Variants in SUCLG2 observed in about 807,000 individuals in gnomAD.
The protein encoded by SUCLG2 is succinate--CoA ligase [GDP-forming] subunit beta, mitochondrial.
Under a neutral mutation model 47.9 loss-of-function variants are expected in SUCLG2, and 42 were observed. The observed-to-expected ratio is 0.88, with a 90% CI of 0.69 to 1.14. The LOEUF (loss-of-function observed/expected upper bound fraction) is 1.14, where lower values mean the gene tolerates loss of function less well. Ranked by LOEUF, SUCLG2 falls within the 50% of genes most tolerant of loss-of-function variation. The pLI, the probability that SUCLG2 is intolerant of heterozygous loss-of-function variation, is 0.00. For missense variants in SUCLG2, 571 were observed against 525.9 expected, an observed-to-expected ratio of 1.09 and a Z score of -0.84; for synonymous variants, 195 against 197.3, an observed-to-expected ratio of 0.99 and a Z score of 0.10.
intron 2 of SUCLG2, among the ~76,000 whole-genome samples, chr3:67,540,787 T>C (rs893681233): frequency 6.6e-6 from 1 of 152,128 alleles, no homozygotes; most frequent in Non-Finnish European, 1.5e-5. Context: ...AGACACCTCA[T>C]ACAGGAGAGC....
chr3:67,561,046 G>T (rs1707294699), intron 2 of SUCLG2, among the ~76,000 whole-genome samples: 1 of 145,220 alleles, frequency 6.9e-6, no homozygotes, highest in Non-Finnish European at 1.5e-5. Context: ...CTAGGCTTCT[G>T]ACTCCACAAG....
chr3:67,391,649 T>A (rs1396173043), intron 10 of SUCLG2, among the ~76,000 whole-genome samples: 2 of 152,124 alleles, frequency 1.3e-5, no homozygotes, highest in Non-Finnish European at 2.9e-5. Context: ...AACATTTTCA[T>A]TCAGAATATT....
chr3:67,421,588 A>C (rs1703158843), intron 9 of SUCLG2, among the ~76,000 whole-genome samples: 1 of 152,230 alleles, frequency 6.6e-6, no homozygotes, highest in Non-Finnish European at 1.5e-5. Context: ...AATAGAAGTC[A>C]ATCACAGTGA....
intron 10 of SUCLG2, among the ~76,000 whole-genome samples, chr3:67,367,558 C>G (rs1195755902): frequency 6.6e-6 from 1 of 152,144 alleles, no homozygotes; most frequent in East Asian, 1.9e-4. Flanking sequence ...ATCAGTGTGT[C>G]TCAACCTTGG....
rs61180918 is a variant in SUCLG2, at chr3:67,565,582, C to T, written c.227-36396G>A. On this transcript the variant is annotated intron_variant, in intron 2 of 10. Coordinates refer to ENST00000307227, the MANE Select transcript of SUCLG2 (RefSeq NM_003848.4). ...GCCAACAGCATGAGATATGCCACTGCCCCTGAGAAGCATTTCTGACTCTCT... is the reference window on the plus strand; with the variant it reads ...GCCAACAGCATGAGATATGCCACTGTCCCTGAGAAGCATTTCTGACTCTCT... Among the ~76,000 whole-genome samples, 229 of 152,298 alleles carry T rather than the reference C, an allele frequency of 1.5e-3. 2 individuals carry two copies. Among genetic ancestry groups the T allele is most frequent in the African/African-American group, 5.1e-3 (211 of 41,568 alleles).
chr3:67,653,382 A>C (rs1192292424), intron 1 of SUCLG2, among the ~76,000 whole-genome samples: 1 of 152,344 alleles, frequency 6.6e-6, no homozygotes, highest in Admixed American at 6.5e-5. Flanking sequence ...TACAGTAGTA[A>C]GTATTAGCAC....
chr3:67,636,631 C>G (rs1346053909), intron 1 of SUCLG2, among the ~76,000 whole-genome samples: 1 of 151,212 alleles, frequency 6.6e-6, no homozygotes, highest in Non-Finnish European at 1.5e-5. Context: ...GGATTACAGG[C>G]GTGAGCCACT....
chr3:67,367,790 T>G (rs1035007846), intron 10 of SUCLG2, among the ~76,000 whole-genome samples: 2 of 152,158 alleles, frequency 1.3e-5, no homozygotes, highest in Non-Finnish European at 2.9e-5. Context: ...AAGTCACCCA[T>G]TTTTCTTCCA....
chr3:67,607,099 A>C (rs566785957), intron 2 of SUCLG2, among the ~76,000 whole-genome samples: 1 of 152,338 alleles, frequency 6.6e-6, no homozygotes, highest in South Asian at 2.1e-4. Context: ...GACAAGACTG[A>C]GTAGCAGACG....
intron 4 of SUCLG2, among the ~76,000 whole-genome samples, chr3:67,524,256 T>C (rs1360455642): frequency 6.6e-6 from 1 of 152,204 alleles, no homozygotes; most frequent in Non-Finnish European, 1.5e-5. Context: ...TGTTGACACA[T>C]CGTCTTTGTG....
chr3:67,365,887 AAGG>A (rs1233638599), intron 10 of SUCLG2, among the ~76,000 whole-genome samples: 1 of 152,212 alleles, frequency 6.6e-6, no homozygotes, highest in African/African-American at 2.4e-5. Flanking sequence ...TGCGTATTTA[AAGG>A]AGTTTCATTG....
At chr3:67,569,449 C>T (rs936543026) in intron 2 of SUCLG2, among the ~76,000 whole-genome samples, 4 of 152,160 alleles carry the variant, frequency 2.6e-5, no homozygotes, top group East Asian at 1.9e-4. Flanking sequence ...TCAGAGCCAC[C>T]GGGGCATGGC....
chr3:67,652,370 C>A (rs1416671253), intron 1 of SUCLG2, among the ~76,000 whole-genome samples: 1 of 152,110 alleles, frequency 6.6e-6, no homozygotes, highest in Non-Finnish European at 1.5e-5. Flanking sequence ...TAGGTCTGGG[C>A]CAAGAGTGGC....
At position 67,428,163 on chromosome 3, in the gene SUCLG2, CCT is replaced by C. The variant is rs754785978; in HGVS notation, c.1063-27314_1063-27313del. 5.9e-5 allele frequency among the ~76,000 whole-genome samples: 9 copies of C among 152,204 alleles called. No individual in the cohort carries two copies. In the East Asian group the frequency reaches 1.5e-3, roughly 26 times the overall value. On this transcript the variant is annotated intron_variant, in intron 9 of 10. Coordinates refer to ENST00000307227, the MANE Select transcript of SUCLG2 (RefSeq NM_003848.4). ...TGCCTCCTCAAGTGGGTCCCTGACCCCTGAGTAGCCTAACTGGGAGGCACCTC... is the reference window on the plus strand; with the variant it reads ...TGCCTCCTCAAGTGGGTCCCTGACCCGAGTAGCCTAACTGGGAGGCACCTC...
chr3:67,360,880 A>G, intron 10 of SUCLG2: 1 of 876,654 alleles, frequency 1.1e-6, no homozygotes, highest in South Asian at 3.1e-5. Context: ...TAATGGAAAC[A>G]TCGTGTTACT....
chr3:67,576,792 G>C (rs1191487170), intron 2 of SUCLG2, among the ~76,000 whole-genome samples: 4 of 152,230 alleles, frequency 2.6e-5, no homozygotes, highest in Non-Finnish European at 5.9e-5. Flanking sequence ...AAGCATGTAA[G>C]TTGAGAAGAC....
chr3:67,517,294 A>T (rs1425542478), intron 6 of SUCLG2, among the ~76,000 whole-genome samples: 1 of 152,202 alleles, frequency 6.6e-6, no homozygotes, highest in Non-Finnish European at 1.5e-5. Context: ...AGAGAGAGTC[A>T]ATCAAAAGAA....
At chr3:67,402,268 T>C (rs747634094) in intron 9 of SUCLG2, among the ~76,000 whole-genome samples, 13 of 152,214 alleles carry the variant, frequency 8.5e-5, no homozygotes, top group Non-Finnish European at 1.9e-4. Context: ...ACTTAATGGG[T>C]ATTTACACTT....
At chr3:67,506,757 G>T (rs541614336) in intron 7 of SUCLG2, among the ~76,000 whole-genome samples, 39 of 152,328 alleles carry the variant, frequency 2.6e-4, no homozygotes, top group African/African-American at 8.9e-4. Flanking sequence ...TGACCTTTAA[G>T]AACTTTTGTT....
Sources: allele counts gnomAD v4.1 joint callset (sites outside exome capture counted in the v4.1 genomes callset), GRCh38; gene constraint gnomAD v4.1.1; transcripts MANE v1.5; gene names NCBI Gene and HGNC (gene_info 2026-07-23, HGNC 2026-07-21).